The following NALF1 variants were observed in gnomAD, a reference collection of about 807,000 sequenced individuals.
NALF1 encodes the protein NALCN channel auxiliary factor 1, also known as family with sequence similarity 155 member A.
NALF1 carries 3 observed loss-of-function variants against 48.4 expected under a neutral mutation model. That is an observed-to-expected ratio of 0.06 (90% CI 0.03 to 0.16). NALF1 has a LOEUF of 0.16. Ranked by LOEUF, NALF1 falls within the 10% of genes least tolerant of loss-of-function variation. The probability of loss-of-function intolerance (pLI) is 1.00; values close to 1 mark genes in which losing one functional copy is unlikely to be tolerated. For synonymous variants in NALF1, 262 were observed against 245.7 expected, an observed-to-expected ratio of 1.07 and a Z score of -0.62; for missense variants, 526 against 571.5, an observed-to-expected ratio of 0.92 and a Z score of 0.81.
intron 1 of NALF1, among the ~76,000 whole-genome samples, chr13:107,321,394 T>C (rs142454434): frequency 1.5e-3 from 228 of 152,252 alleles, no homozygotes; most frequent in African/African-American, 5.2e-3. Flanking sequence ...TTGTGCAATT[T>C]TCCCTGCTAG....
intron 1 of NALF1, among the ~76,000 whole-genome samples, chr13:107,635,521 C>A (rs1364316132): frequency 6.6e-6 from 1 of 152,026 alleles, no homozygotes; most frequent in Non-Finnish European, 1.5e-5. Flanking sequence ...GGGGACACAG[C>A]AAAACCGTAT....
chr13:107,459,447 A>G (rs2139041827), intron 1 of NALF1, among the ~76,000 whole-genome samples: 1 of 152,236 alleles, frequency 6.6e-6, no homozygotes, highest in South Asian at 2.1e-4. Context: ...AGCCTTTCTC[A>G]GCCTTAGAAG....
In NALF1 at chr13:107,467,839, G is replaced by C. The variant is rs147065170; in HGVS notation, c.916-257084C>G. The stretch of plus-strand genomic sequence containing the variant: ...GTGGATCATGAGGTCAGGAGACGGA[G>C]ACCATTCTGGCTAACATGGTGAAAC... On this transcript the variant is annotated intron_variant, in intron 1 of 2. Transcript: ENST00000375915. Among the ~76,000 whole-genome samples the C allele has an allele frequency of 9.1e-4, 139 of 152,178 alleles. 1 individual carries two copies. The highest frequency in any genetic ancestry group is 1.5e-3 in the Non-Finnish European group (100 of 67,996).
At chr13:107,358,082 G>A (rs571927417) in intron 1 of NALF1, among the ~76,000 whole-genome samples, 11 of 152,192 alleles carry the variant, frequency 7.2e-5, no homozygotes, top group East Asian at 1.9e-4. Flanking sequence ...ATATATATAT[G>A]TGTGTATATA....
At chr13:107,303,442 C>T (rs1881876653) in intron 1 of NALF1, among the ~76,000 whole-genome samples, 1 of 152,082 alleles carries the variant, frequency 6.6e-6, no homozygotes. Flanking sequence ...ATAAAAACAT[C>T]AGAATATTTG....
At chr13:107,798,905 G>A (rs1047244162) in intron 1 of NALF1, among the ~76,000 whole-genome samples, 1 of 152,122 alleles carries the variant, frequency 6.6e-6, no homozygotes, top group Non-Finnish European at 1.5e-5. Flanking sequence ...CACATACATC[G>A]TAGCCTTTTG....
At chr13:107,587,258 G>A (rs1878486033) in intron 1 of NALF1, among the ~76,000 whole-genome samples, 1 of 152,036 alleles carries the variant, frequency 6.6e-6, no homozygotes, top group Non-Finnish European at 1.5e-5. Context: ...AGAGATTGAG[G>A]TGCTTTCCCC....
chr13:107,255,850 T>C (rs1014580788), intron 1 of NALF1, among the ~76,000 whole-genome samples: 2 of 152,220 alleles, frequency 1.3e-5, no homozygotes, highest in Non-Finnish European at 2.9e-5. Flanking sequence ...ATTGCATTTC[T>C]TTATTGTCTT....
At chr13:107,769,438 G>A (rs980823638) in intron 1 of NALF1, among the ~76,000 whole-genome samples, 1 of 144,396 alleles carries the variant, frequency 6.9e-6, no homozygotes, top group African/African-American at 2.6e-5. Flanking sequence ...ACTATCACAA[G>A]AACAAAAAAC....
chr13:107,823,514 C>T (rs1879418536), intron 1 of NALF1, among the ~76,000 whole-genome samples: 1 of 152,198 alleles, frequency 6.6e-6, no homozygotes, highest in Non-Finnish European at 1.5e-5. Flanking sequence ...CTGCGTACCC[C>T]TCCAGGCTCA....
intron 1 of NALF1, among the ~76,000 whole-genome samples, chr13:107,444,869 A>G (rs1473720770): frequency 1.3e-5 from 2 of 152,220 alleles, no homozygotes; most frequent in African/African-American, 4.8e-5. Flanking sequence ...AACAATATCA[A>G]TATTTTCCCA....
intron 1 of NALF1, among the ~76,000 whole-genome samples, chr13:107,363,379 A>G (rs1883098825): frequency 6.6e-6 from 1 of 152,148 alleles, no homozygotes; most frequent in South Asian, 2.1e-4. Flanking sequence ...GGATCACTCG[A>G]GCCTAGGAGT....
intron 1 of NALF1, among the ~76,000 whole-genome samples, chr13:107,843,210 G>T (rs1256151082): frequency 6.6e-6 from 1 of 152,170 alleles, no homozygotes; most frequent in Non-Finnish European, 1.5e-5. Context: ...TTATTTATCT[G>T]AATTTATTTA....
intron 1 of NALF1, among the ~76,000 whole-genome samples, chr13:107,607,516 A>AGTT (rs914029207): frequency 1.3e-5 from 2 of 152,194 alleles, no homozygotes; most frequent in African/African-American, 2.4e-5. Flanking sequence ...GCCAAAATAA[A>AGTT]GTTGTTGTTG....
intron 1 of NALF1, among the ~76,000 whole-genome samples, chr13:107,224,849 G>C (rs1160414633): frequency 6.6e-6 from 1 of 152,214 alleles, no homozygotes; most frequent in East Asian, 1.9e-4. Context: ...AGGTAAATGA[G>C]AGTCTCCACA....
intron 1 of NALF1, among the ~76,000 whole-genome samples, chr13:107,246,290 C>T (rs1026085217): frequency 6.6e-6 from 1 of 152,154 alleles, no homozygotes; most frequent in Non-Finnish European, 1.5e-5. Flanking sequence ...TCACATCATA[C>T]AGCCATTTCT....
chr13:107,322,476 C>T (rs1431453088), intron 1 of NALF1, among the ~76,000 whole-genome samples: 1 of 152,164 alleles, frequency 6.6e-6, no homozygotes, highest in Non-Finnish European at 1.5e-5. Context: ...GTCATCATTA[C>T]ACTACCTGTT....
chr13:107,533,320 CAA>C lies in NALF1; in HGVS notation c.916-322567_916-322566del, dbSNP rs1876699877. Among the ~76,000 whole-genome samples, 5 of 152,136 alleles carry C rather than the reference CAA, an allele frequency of 3.3e-5. No individual in the cohort carries two copies. The South Asian group carries it at 1.0e-3, about 32-fold the overall frequency. ...GATCCTCCAAAATTCATGTTAAAAC[CAA>C]ATCACCACAGTGACAGCATTGAAAG... On this transcript the variant is annotated intron_variant, in intron 1 of 2. Coordinates refer to ENST00000375915, the MANE Select transcript of NALF1 (RefSeq NM_001080396.3).
At chr13:107,515,883 T>A (rs1876035858) in intron 1 of NALF1, among the ~76,000 whole-genome samples, 1 of 152,126 alleles carries the variant, frequency 6.6e-6, no homozygotes, top group Admixed American at 6.5e-5. Context: ...CTTCATTGTT[T>A]TAGAAGAAAG....
Sources: allele counts gnomAD v4.1 joint callset (sites outside exome capture counted in the v4.1 genomes callset), GRCh38; gene constraint gnomAD v4.1.1; transcripts MANE v1.5; gene names NCBI Gene and HGNC (gene_info 2026-07-23, HGNC 2026-07-21).